Variants in DENND1B observed in about 807,000 individuals in gnomAD.
The protein encoded by DENND1B is DENN domain-containing protein 1B.
In DENND1B, 59 loss-of-function variants were observed where a neutral mutation model predicts 90.1. The ratio of observed to expected loss-of-function variants is 0.65; its 90% CI spans 0.53 to 0.81. The LOEUF is 0.81. Among genes scored for constraint, DENND1B ranks in the 40% least tolerant of loss-of-function variants. The probability of loss-of-function intolerance (pLI) is 0.00; values close to 1 mark genes in which losing one functional copy is unlikely to be tolerated. For missense variants in DENND1B, 862 were observed against 912.6 expected (o/e 0.94, Z 0.71); for synonymous variants, 337 against 324.6 (o/e 1.04, Z -0.41).
At position 197,505,407 on chromosome 1, in the gene DENND1B, T is replaced by C. The variant is rs1255716430; in HGVS notation, c.*5053A>G. 1.3e-5 allele frequency: 2 copies of C among 151,674 alleles called. No homozygotes were observed. Among genetic ancestry groups the C allele is most frequent in the Non-Finnish European group, 3.0e-5 (2 of 67,772 alleles). The allele number at this position is 151,674 out of a possible 1,614,324, so 9.4% of individuals were successfully genotyped here. On this transcript the variant is annotated 3_prime_UTR_variant, in exon 23 of 23. Coordinates refer to ENST00000620048, the MANE Select transcript of DENND1B (RefSeq NM_001195215.2). ...TGAGAAATGAAATAACAGAGATGAA[T>C]AGACTTATAGGTTCATCATATCAAA...
intron 2 of DENND1B, among the ~76,000 whole-genome samples, chr1:197,738,326 A>G (rs1273573689): frequency 6.6e-6 from 1 of 152,226 alleles, no homozygotes; most frequent in African/African-American, 2.4e-5. Context: ...ATCAACATTA[A>G]ATCCACATAG....
intron 15 of DENND1B, among the ~76,000 whole-genome samples, chr1:197,564,707 T>G (rs977825709): frequency 3.9e-5 from 6 of 151,978 alleles, no homozygotes; most frequent in Admixed American, 3.9e-4. Context: ...TTCTTACTTT[T>G]TATGGCATTT....
chr1:197,735,511 T>C, intron 2 of DENND1B: 5 of 1,603,468 alleles, frequency 3.1e-6, no homozygotes, highest in Non-Finnish European at 2.6e-6. Context: ...CAGTTTATGT[T>C]TACTTTAGTG....
intron 2 of DENND1B, among the ~76,000 whole-genome samples, chr1:197,739,973 A>C (rs367639024): frequency 2.0e-5 from 3 of 152,364 alleles, no homozygotes; most frequent in African/African-American, 7.2e-5. Context: ...TTACCCTATG[A>C]AAATTTTGCA....
intron 2 of DENND1B, among the ~76,000 whole-genome samples, chr1:197,739,412 T>A (rs1326927000): frequency 6.6e-6 from 1 of 152,176 alleles, no homozygotes; most frequent in African/African-American, 2.4e-5. Flanking sequence ...CCTAACTGAT[T>A]TAAAAGGATT....
At chr1:197,538,460 A>T (rs1452330958) in intron 20 of DENND1B, among the ~76,000 whole-genome samples, 2 of 152,168 alleles carry the variant, frequency 1.3e-5, no homozygotes, top group Non-Finnish European at 2.9e-5. Context: ...ATCAGTACTG[A>T]CTATCAGTAT....
intron 10 of DENND1B, among the ~76,000 whole-genome samples, chr1:197,629,138 A>G (rs1679081522): frequency 6.6e-6 from 1 of 152,136 alleles, no homozygotes; most frequent in Non-Finnish European, 1.5e-5. Context: ...AGGGATCTAG[A>G]ACCAGAAATA....
intron 12 of DENND1B, 102 bp downstream of exon 12, chr1:197,611,829 C>T (rs1677205192): frequency 1.1e-6 from 1 of 947,094 alleles, no homozygotes; most frequent in Non-Finnish European, 1.6e-6. Context: ...AAACTAGTCA[C>T]TTCTTTGTCC....
intron 4 of DENND1B, among the ~76,000 whole-genome samples, chr1:197,672,541 A>T (rs900114606): frequency 6.6e-6 from 1 of 152,026 alleles, no homozygotes; most frequent in African/African-American, 2.4e-5. Flanking sequence ...TTTCTTAATT[A>T]TTCTAAAATT....
rs145161367 is a variant in DENND1B at position 197,529,332 on chromosome 1, ATGTG to A, written c.1515+10628_1515+10631del. ...TATGTATATATATGTGTGTATATAT[ATGTG>A]TGTGTGTGTGTGTGCACGCGCGCAC... is the stretch of plus-strand genomic sequence containing the variant. On this transcript the variant is annotated intron_variant, in intron 20 of 22. Coordinates refer to ENST00000620048, the MANE Select transcript of DENND1B (RefSeq NM_001195215.2). 4.1e-3 allele frequency among the ~76,000 whole-genome samples: 588 copies of A among 143,484 alleles called. 1 individual carries two copies. The highest frequency in any genetic ancestry group is 0.011 in the African/African-American group (415 of 37,686). The allele number at this position is 143,484 out of a possible 152,430, so 94.1% of individuals were successfully genotyped here. A position where few individuals can be genotyped will look rare whatever the true frequency, so the allele number is the denominator to read the frequency against.
intron 2 of DENND1B, among the ~76,000 whole-genome samples, chr1:197,757,586 C>T (rs757612881): frequency 2.2e-4 from 33 of 152,116 alleles, no homozygotes; most frequent in Admixed American, 1.7e-3. Context: ...AAGGGTCTTA[C>T]ATAAATTTGT....
chr1:197,520,075 G>A (rs969836794), intron 20 of DENND1B, among the ~76,000 whole-genome samples: 1 of 151,940 alleles, frequency 6.6e-6, no homozygotes, highest in East Asian at 1.9e-4. Flanking sequence ...ATAATGAAGA[G>A]CAATAGAAAT....
At chr1:197,514,678 T>C (rs1668275969) in intron 20 of DENND1B, among the ~76,000 whole-genome samples, 1 of 151,584 alleles carries the variant, frequency 6.6e-6, no homozygotes, top group African/African-American at 2.4e-5. Flanking sequence ...TTTTGTAAGC[T>C]TCTCCTTCCT....
At chr1:197,631,615 G>C (rs868481581) in intron 10 of DENND1B, among the ~76,000 whole-genome samples, 1 of 151,516 alleles carries the variant, frequency 6.6e-6, no homozygotes, top group Non-Finnish European at 1.5e-5. Flanking sequence ...CAAACCACCA[G>C]CAACTGAAAA....
At chr1:197,658,168 G>A (rs1654041162) in intron 6 of DENND1B, 132 bp downstream of exon 6, 2 of 732,876 alleles carry the variant, frequency 2.7e-6, no homozygotes, top group South Asian at 1.6e-5. Flanking sequence ...AAAGATGTAT[G>A]GTATTGATGA....
At chr1:197,634,743 C>T (rs1258601240) in intron 10 of DENND1B, among the ~76,000 whole-genome samples, 1 of 152,190 alleles carries the variant, frequency 6.6e-6, no homozygotes, top group Non-Finnish European at 1.5e-5. Context: ...ATCCCAGCAA[C>T]TTTGGGAGGC....
intron 2 of DENND1B, among the ~76,000 whole-genome samples, chr1:197,766,609 T>C (rs1402782602): frequency 1.3e-5 from 2 of 152,092 alleles, no homozygotes; most frequent in Non-Finnish European, 2.9e-5. Flanking sequence ...TGAAAAGAGT[T>C]TGAGGATGGG....
chr1:197,780,124 T>C (rs1278699270), upstream of DENND1B, among the ~76,000 whole-genome samples: 7 of 152,104 alleles, frequency 4.6e-5, no homozygotes, highest in East Asian at 1.3e-3. Context: ...CTGGGAAGCT[T>C]TTTTCCCCTT....
At chr1:197,730,933 A>G (rs923812760) in intron 2 of DENND1B, among the ~76,000 whole-genome samples, 1 of 152,130 alleles carries the variant, frequency 6.6e-6, no homozygotes, top group Non-Finnish European at 1.5e-5. Flanking sequence ...CACTATCAAA[A>G]GAAAATACAA....
Sources: allele counts gnomAD v4.1 joint callset (sites outside exome capture counted in the v4.1 genomes callset), GRCh38; gene constraint gnomAD v4.1.1; transcripts MANE v1.5; gene names NCBI Gene and HGNC (gene_info 2026-07-23, HGNC 2026-07-21).